Variants in TRMT11 observed in about 807,000 individuals in gnomAD.
The protein encoded by TRMT11 is tRNA (guanine(10)-N(2))-methyltransferase TRMT11.
In TRMT11, 53 loss-of-function variants were observed where a neutral mutation model predicts 62.8. The ratio of observed to expected loss-of-function variants is 0.84; its 90% confidence interval spans 0.68 to 1.06. TRMT11 has a LOEUF of 1.06. Ranked by LOEUF, TRMT11 falls within the 50% of genes least tolerant of loss-of-function variation. TRMT11 has a pLI of 0.00. For missense variants in TRMT11, 556 were observed against 553.4 expected (o/e 1.00, Z -0.05); for synonymous variants, 188 against 190.3 (o/e 0.99, Z 0.10).
chr6:126,189,198 A>G (rs1027027588), intron 1 of TRMT11, among the ~76,000 whole-genome samples: 2 of 152,126 alleles, frequency 1.3e-5, no homozygotes, highest in African/African-American at 4.8e-5. Flanking sequence ...TAAATGCAGG[A>G]TAATTGCTTA....
intron 21 of TRMT11, among the ~76,000 whole-genome samples, chr6:126,148,541 C>T (rs1217424766): frequency 6.6e-6 from 1 of 152,112 alleles, no homozygotes; most frequent in African/African-American, 2.4e-5. Context: ...AGTTCTGTCT[C>T]CACCACATAT....
chr6:126,081,755 A>G (rs557053387), intron 17 of TRMT11, among the ~76,000 whole-genome samples: 70 of 152,188 alleles, frequency 4.6e-4, no homozygotes, highest in African/African-American at 1.6e-3. Context: ...CCAGAGAGAG[A>G]GGGGGCCCTG....
chr6:126,026,491 T>A (rs1773119577), intron 12 of TRMT11, among the ~76,000 whole-genome samples: 1 of 152,064 alleles, frequency 6.6e-6, no homozygotes, highest in Non-Finnish European at 1.5e-5. Flanking sequence ...GTTCAAGTGA[T>A]TCTCCTTGCC....
the TRMT11 span, among the ~76,000 whole-genome samples, chr6:126,256,070 T>A: frequency 6.6e-6 from 1 of 152,300 alleles, no homozygotes; most frequent in South Asian, 2.1e-4. Flanking sequence ...GACTGGAGGA[T>A]CCATATCAAA....
intron 21 of TRMT11, among the ~76,000 whole-genome samples, chr6:126,118,596 CT>C (rs2128194092): frequency 6.6e-6 from 1 of 152,142 alleles, no homozygotes; most frequent in East Asian, 1.9e-4. Flanking sequence ...GAAGAATTTA[CT>C]TTTTTTCTTC....
chr6:126,094,935 C>A (rs1021295143), intron 17 of TRMT11, among the ~76,000 whole-genome samples: 1 of 152,146 alleles, frequency 6.6e-6, no homozygotes, highest in Non-Finnish European at 1.5e-5. Context: ...ATGAAAGAAG[C>A]CGGCTTGAGA....
At chr6:126,029,462 G>A (rs1012099404) in intron 12 of TRMT11, among the ~76,000 whole-genome samples, 1 of 151,838 alleles carries the variant, frequency 6.6e-6, no homozygotes, top group African/African-American at 2.4e-5. Context: ...CTTTTCTTTT[G>A]TAATATTACC....
chr6:126,197,476 A>T (rs972811563), intron 1 of TRMT11, among the ~76,000 whole-genome samples: 2 of 152,324 alleles, frequency 1.3e-5, no homozygotes, highest in Admixed American at 6.5e-5. Context: ...CATGTTGTTA[A>T]ATATCCTTGA....
At chr6:126,108,776 G>A (rs928345563) in intron 17 of TRMT11, among the ~76,000 whole-genome samples, 3 of 152,160 alleles carry the variant, frequency 2.0e-5, no homozygotes, top group African/African-American at 7.2e-5. Context: ...ACCAGCAATT[G>A]ATCTGAGGGA....
At chr6:126,125,372 CTT>C (rs994630244) in intron 21 of TRMT11, among the ~76,000 whole-genome samples, 2 of 150,968 alleles carry the variant, frequency 1.3e-5, no homozygotes, top group Non-Finnish European at 3.0e-5. Context: ...GACTTTAAAA[CTT>C]TTTTTTTCAC....
At chr6:126,007,794 A>G (rs1793583399) in intron 7 of TRMT11, among the ~76,000 whole-genome samples, 1 of 152,016 alleles carries the variant, frequency 6.6e-6, no homozygotes, top group African/African-American at 2.4e-5. Flanking sequence ...CATGTTTGAT[A>G]ATAGTTACTC....
chr6:126,254,499 A>G, the TRMT11 span, among the ~76,000 whole-genome samples: 2 of 152,254 alleles, frequency 1.3e-5, no homozygotes, highest in Non-Finnish European at 2.9e-5. Context: ...TGTGGCTCCT[A>G]CATCGTGAGT....
intron 17 of TRMT11, among the ~76,000 whole-genome samples, chr6:126,076,316 G>A (rs569595297): frequency 9.1e-4 from 138 of 152,294 alleles, no homozygotes; most frequent in Non-Finnish European, 1.2e-3. Flanking sequence ...ACAGAAGGGC[G>A]GGGCCATATC....
chr6:126,079,345 C>T (rs1258127363), intron 17 of TRMT11, among the ~76,000 whole-genome samples: 1 of 152,094 alleles, frequency 6.6e-6, no homozygotes, highest in Admixed American at 6.6e-5. Context: ...GGCATGAGCA[C>T]ACTACTGCCC....
intron 17 of TRMT11, among the ~76,000 whole-genome samples, chr6:126,079,081 A>G (rs1223824961): frequency 6.6e-6 from 1 of 152,142 alleles, no homozygotes; most frequent in East Asian, 1.9e-4. Context: ...GGTAAAATAA[A>G]TCATAACCCT....
At chr6:126,117,856 A>G (rs1245608360) in intron 21 of TRMT11, among the ~76,000 whole-genome samples, 4 of 152,128 alleles carry the variant, frequency 2.6e-5, no homozygotes, top group African/African-American at 9.6e-5. Context: ...CTGCGTGACC[A>G]TAGAATGTCG....
chr6:126,243,826 T>C, the TRMT11 span, among the ~76,000 whole-genome samples: 2 of 152,088 alleles, frequency 1.3e-5, no homozygotes, highest in African/African-American at 2.4e-5. Context: ...GAGATATACC[T>C]AATGTAAATG....
At chr6:126,054,650 G>GT (rs1262288422) in intron 17 of TRMT11, among the ~76,000 whole-genome samples, 2 of 152,294 alleles carry the variant, frequency 1.3e-5, no homozygotes, top group African/African-American at 2.4e-5. Flanking sequence ...TACAAACACT[G>GT]TTTCAGGGAG....
chr6:126,262,305 A>C, the TRMT11 span, among the ~76,000 whole-genome samples: 1 of 152,164 alleles, frequency 6.6e-6, no homozygotes, highest in South Asian at 2.1e-4. Context: ...ACATGAGTTC[A>C]TGTGGGCAGG....
Sources: allele counts gnomAD v4.1 joint callset (sites outside exome capture counted in the v4.1 genomes callset), GRCh38; gene constraint gnomAD v4.1.1; transcripts MANE v1.5; gene names NCBI Gene and HGNC (gene_info 2026-07-23, HGNC 2026-07-21).